The following ERMP1 variants were observed in gnomAD, a reference collection of about 807,000 sequenced individuals.
ERMP1 encodes endoplasmic reticulum metallopeptidase 1.
Under a neutral mutation model 92.0 loss-of-function variants are expected in ERMP1, and 86 were observed. The ratio of observed to expected loss-of-function variants is 0.93; its 90% CI spans 0.79 to 1.12. The LOEUF is 1.12. Ranked by LOEUF, ERMP1 falls within the 50% of genes most tolerant of loss-of-function variation. The pLI is 0.00. For synonymous variants in ERMP1, 530 were observed against 412.8 expected, an observed-to-expected ratio of 1.28 and a Z score of -3.44; for missense variants, 1,342 against 1,116.3, an observed-to-expected ratio of 1.20 and a Z score of -2.88.
At position 5,833,065 on chromosome 9, in the gene ERMP1, C is replaced by A. The variant is rs759915386; in HGVS notation, c.-38G>T. On this transcript the variant is annotated 5_prime_UTR_variant, in exon 1 of 15. Transcript: ENST00000339450. The stretch of plus-strand genomic sequence containing the variant: ...CAGCTGCCAGCCCAACCGCCCCAAC[C>A]CGCGACAGCCCCGGCCGCCGCCGAC... The A allele has an allele frequency of 2.2e-5, 31 of 1,412,220 alleles. 1 individual carries two copies. In the Middle Eastern group the frequency reaches 1.1e-3, roughly 50 times the overall value. The allele number at this position is 1,412,220 out of a possible 1,614,324, so 87.5% of individuals were successfully genotyped here.
chr9:5,848,300 G>A (rs892892567), intron 6 of ERMP1, among the ~76,000 whole-genome samples: 1 of 152,192 alleles, frequency 6.6e-6, no homozygotes. Context: ...AAGGAGACAA[G>A]ATAATGGAGG....
In ERMP1 at chr9:5,827,742, G is replaced by A. The variant is rs187231834; in HGVS notation, c.641-2523C>T. On this transcript the variant is annotated intron_variant, in intron 2 of 14. Transcript: ENST00000339450. ...TGAGGCAGGAGAATGGCATGAACCC[G>A]GGAGGCGGAGGTTGCAGTGAGCAGA... 4.0e-3 allele frequency among the ~76,000 whole-genome samples: 616 copies of A among 152,210 alleles called. 2 individuals are homozygous for A. Among genetic ancestry groups the A allele is most frequent in the Non-Finnish European group, 6.5e-3 (445 of 68,022 alleles).
intron 13 of ERMP1, among the ~76,000 whole-genome samples, chr9:5,796,435 T>C (rs1370646814): frequency 6.6e-6 from 1 of 152,202 alleles, no homozygotes; most frequent in African/African-American, 2.4e-5. Context: ...GCAATCACAC[T>C]CCTAAGCATT....
At chr9:5,800,537 G>A (rs755403010) in intron 11 of ERMP1, among the ~76,000 whole-genome samples, 5 of 152,110 alleles carry the variant, frequency 3.3e-5, no homozygotes, top group East Asian at 1.9e-4. Context: ...TTAGCCAGGC[G>A]TGGTGGCGAG....
chr9:5,823,383 G>A (rs1186323158), intron 4 of ERMP1, among the ~76,000 whole-genome samples: 11 of 152,168 alleles, frequency 7.2e-5, no homozygotes, highest in Non-Finnish European at 1.3e-4. Flanking sequence ...ATACACTACA[G>A]GTAAATTTTC....
In ERMP1 at chr9:5,823,920, C is replaced by T. The variant is rs1453737562; in HGVS notation, c.850G>A (p.Gly284Arg). 2.5e-6 allele frequency: 4 copies of T among 1,613,596 alleles called. No homozygotes were observed. Among genetic ancestry groups the T allele is most frequent in the Non-Finnish European group, 8.5e-7 (1 of 1,179,516 alleles). The change falls in exon 4 of 15, where the codon GGG becomes AGG. Residue 284 changes from glycine to arginine, a missense_variant. Physicochemically the swap from Gly to Arg is moderately radical, Grantham distance 125. Transcript: ENST00000339450. ...CCTGTTTGGAATACAAGTTCTTTCC[C>T]TCCTACACCTGCTGCCTCTAGGTTA... is the stretch of plus-strand genomic sequence containing the variant. ...FINLEAAGVG[G>R]KELVFQTGPE... is the part of the protein sequence containing the mutation.
intron 2 of ERMP1, among the ~76,000 whole-genome samples, chr9:5,828,106 C>A (rs1374609134): frequency 6.6e-6 from 1 of 152,222 alleles, no homozygotes; most frequent in Non-Finnish European, 1.5e-5. Context: ...CAAGACCAGC[C>A]TGGGCAACAA....
At chr9:5,794,978 C>T (rs1478184366) in intron 13 of ERMP1, among the ~76,000 whole-genome samples, 1 of 152,132 alleles carries the variant, frequency 6.6e-6, no homozygotes, top group Non-Finnish European at 1.5e-5. Flanking sequence ...CTCTCATGAA[C>T]ATAGATGCAA....
rs572177411 is a variant in ERMP1 at position 5,826,064 on chromosome 9, T to C, written c.641-845A>G. Among the ~76,000 whole-genome samples the C allele has an allele frequency of 7.2e-5, 11 of 152,184 alleles. No individual in the cohort carries two copies. In the South Asian group the frequency reaches 2.3e-3, roughly 32 times the overall value. ...GCCAGCAACACAGAGTGAAATACTT[T>C]TAGAGAGGAACTGATATAGCTAAGA... is the stretch of plus-strand genomic sequence containing the variant. On this transcript the variant is annotated intron_variant, in intron 2 of 14. Transcript: ENST00000339450.
upstream of ERMP1, chr9:5,833,120 T>C (rs1459522019): frequency 1.7e-6 from 2 of 1,171,374 alleles, no homozygotes; most frequent in South Asian, 1.8e-5. Flanking sequence ...CGCCTCCTAG[T>C]GAGCGGACGG....
upstream of ERMP1, among the ~76,000 whole-genome samples, chr9:5,833,808 G>T (rs2129713713): frequency 6.6e-6 from 1 of 152,280 alleles, no homozygotes; most frequent in Non-Finnish European, 1.5e-5. Context: ...TACTACATTA[G>T]CACTCTGCAA....
chr9:5,801,268 A>G lies in ERMP1; in HGVS notation c.1975T>C (p.Cys659Arg). 6.2e-7 allele frequency: 1 copy of G among 1,613,750 alleles called. No individual in the cohort carries two copies. The highest frequency in any genetic ancestry group is 8.5e-7 in the Non-Finnish European group (1 of 1,179,818). Reference sequence around the variant, plus strand: ...CAAACAAGGAGGAATGTAATTGCACATACCAAAGTTAAAGTTAGCATGGTT... The same window carrying G: ...CAAACAAGGAGGAATGTAATTGCACGTACCAAAGTTAAAGTTAGCATGGTT... ...KKTMLTLTLV[C>R]AITFLLVCSG... is the part of the protein sequence containing the mutation. Residue 659 changes from cysteine (C) to arginine (R), a missense_variant, in exon 11 of 15, where the codon TGT becomes CGT. By Grantham distance (180) the Cys-to-Arg change is radical (BLOSUM62 -3). Transcript: ENST00000339450.
Position 5,830,736 on chromosome 9 carries a change from T to A in ERMP1, c.631A>T (p.Asn211Tyr). Reference sequence around the variant, plus strand: ...AAAAACAGGTACATACCTGGTGAGTTTGCTACTGAGTCAAAATGACAATTA... The same window carrying A: ...AAAAACAGGTACATACCTGGTGAGTATGCTACTGAGTCAAAATGACAATTA... The part of the protein sequence containing the change: ...LANCHFDSVA[N>Y]SPGASDDAVS... The change falls in exon 2 of 15, where the codon AAC becomes TAC. Residue 211 changes from asparagine (N) to tyrosine (Y), a missense_variant. Coordinates refer to ENST00000339450, the MANE Select transcript of ERMP1 (RefSeq NM_024896.3). 6.2e-7 allele frequency: 1 copy of A among 1,612,054 alleles called. No individual in the cohort carries two copies. Among genetic ancestry groups the A allele is most frequent in the Non-Finnish European group, 8.5e-7 (1 of 1,178,692 alleles).
At position 5,810,110 on chromosome 9, in the gene ERMP1, TGA is replaced by T; in HGVS notation, c.1447_1448del (p.Ser483MetfsTer3). ...CGGAGACATAGAAGTGGTTATACCA[TGA>T]GAGAGACTGTCCAATAAGAGAGATG... is the stretch of plus-strand genomic sequence containing the variant. Reference protein sequence around the residue: ...VFISLIGQSLSWYNHFYVSVC... With the variant: ...VFISLIGQSLXWYNHFYVSVC... On this transcript the variant is annotated frameshift_variant, in exon 8 of 15. Transcript: ENST00000339450. LOFTEE classifies it high-confidence loss of function. 5.0e-6 allele frequency: 8 copies of T among 1,613,826 alleles called. No homozygotes were observed. The highest frequency in any genetic ancestry group is 6.8e-6 in the Non-Finnish European group (8 of 1,179,736).
chr9:5,856,658 C>T (rs149088533), intron 6 of ERMP1, among the ~76,000 whole-genome samples: 85 of 152,308 alleles, frequency 5.6e-4, no homozygotes, highest in Non-Finnish European at 1.0e-3. Context: ...TCACAGCAAA[C>T]ACTGAATTAG....
chr9:5,833,238 G>A (rs2074269673), upstream of ERMP1: 1 of 491,296 alleles, frequency 2.0e-6, no homozygotes, highest in Admixed American at 4.3e-5. Context: ...ACCCAGCAGC[G>A]GGTGGTGGAT....
Position 5,784,953 on chromosome 9 carries a change from C to G in ERMP1, c.*2191G>C, listed in dbSNP as rs1407768629. 1 of 152,146 alleles carries G rather than the reference C, an allele frequency of 6.6e-6. No homozygotes were observed. Among genetic ancestry groups the G allele is most frequent in the East Asian group, 1.9e-4 (1 of 5,184 alleles). 9.4% of individuals were successfully genotyped at this position (152,146 alleles called of 1,614,324 possible). A position where few individuals can be genotyped will look rare whatever the true frequency, so the allele number is the denominator to read the frequency against. The stretch of plus-strand genomic sequence containing the variant: ...CCCTTTTAGAAATTATTTAAATGAT[C>G]ACTCTTTAAAAATTTTTTTTAATCT... On this transcript the variant is annotated 3_prime_UTR_variant, in exon 15 of 15. Transcript: ENST00000339450.
At chr9:5,789,389 T>G (rs988252009) in intron 13 of ERMP1, among the ~76,000 whole-genome samples, 2 of 152,148 alleles carry the variant, frequency 1.3e-5, no homozygotes, top group Admixed American at 6.5e-5. Flanking sequence ...TTGGAAAACG[T>G]GAACCAAAGA....
intron 5 of ERMP1, among the ~76,000 whole-genome samples, chr9:5,865,041 C>T (rs146645576): frequency 3.9e-5 from 6 of 152,052 alleles, no homozygotes; most frequent in Admixed American, 3.3e-4. Flanking sequence ...CACAATTGGC[C>T]AAACATTTAG....
Sources: allele counts gnomAD v4.1 joint callset (sites outside exome capture counted in the v4.1 genomes callset), GRCh38; gene constraint gnomAD v4.1.1; transcripts MANE v1.5; gene names NCBI Gene and HGNC (gene_info 2026-07-23, HGNC 2026-07-21).